The following LYRM4 variants were observed in gnomAD, a reference collection of about 807,000 sequenced individuals.
LYRM4 encodes the protein LYR motif-containing protein 4.
In LYRM4, 9 loss-of-function variants were observed where a neutral mutation model predicts 11.7. The observed-to-expected ratio is 0.77, with a 90% CI of 0.46 to 1.34. LYRM4 has a LOEUF of 1.34. Ranked by LOEUF, LYRM4 falls within the 40% of genes most tolerant of loss-of-function variation. The probability of loss-of-function intolerance (pLI) is 0.00; values close to 1 mark genes in which losing one functional copy is unlikely to be tolerated. For synonymous variants in LYRM4, 42 were observed against 40.4 expected, an observed-to-expected ratio of 1.04 and a Z score of -0.15; for missense variants, 133 against 112.5, an observed-to-expected ratio of 1.18 and a Z score of -0.82.
chr6:5,199,321 A>G (rs1000281496), intron 2 of LYRM4, among the ~76,000 whole-genome samples: 3 of 152,222 alleles, frequency 2.0e-5, no homozygotes, highest in African/African-American at 7.2e-5. Flanking sequence ...TTTCATCCAC[A>G]GAGATAGAAA....
intron 2 of LYRM4, among the ~76,000 whole-genome samples, chr6:5,143,224 C>T (rs1291198940): frequency 4.7e-5 from 1 of 21,236 alleles, no homozygotes; most frequent in African/African-American, 1.9e-4. Context: ...TGTGAGTCAG[C>T]ACACCACTGT....
At chr6:5,233,647 C>T (rs1295663834) in intron 1 of LYRM4, among the ~76,000 whole-genome samples, 1 of 152,152 alleles carries the variant, frequency 6.6e-6, no homozygotes, top group East Asian at 1.9e-4. Flanking sequence ...ATCTCAATCT[C>T]TCTCTCTCTT....
chr6:5,211,638 T>C (rs1184883759), intron 2 of LYRM4, among the ~76,000 whole-genome samples: 1 of 152,118 alleles, frequency 6.6e-6, no homozygotes, highest in East Asian at 1.9e-4. Flanking sequence ...GTTCCTTAAC[T>C]AAAAAAGCAC....
At chr6:5,218,554 A>C (rs187097092) in intron 1 of LYRM4, 15 of 189,888 alleles carry the variant, frequency 7.9e-5, no homozygotes, top group Non-Finnish European at 1.5e-4. Context: ...GGAGAAGGGA[A>C]GAGTTTAGGA....
the LYRM4 span, among the ~76,000 whole-genome samples, chr6:5,035,302 G>A: frequency 7.9e-5 from 12 of 151,844 alleles, no homozygotes; most frequent in Non-Finnish European, 1.3e-4. Context: ...CTTTTCCTGA[G>A]GTGCCCTCTC....
chr6:5,047,409 A>G, the LYRM4 span, among the ~76,000 whole-genome samples: 2 of 152,166 alleles, frequency 1.3e-5, no homozygotes, highest in Non-Finnish European at 2.9e-5. Flanking sequence ...TCAATATTGC[A>G]TAAGGTTGAT....
intron 2 of LYRM4, among the ~76,000 whole-genome samples, chr6:5,144,635 A>G (rs1757606905): frequency 6.7e-6 from 1 of 149,962 alleles, no homozygotes; most frequent in African/African-American, 2.4e-5. Flanking sequence ...AAAAAAAAAA[A>G]AAAAAAAAAA....
chr6:5,179,077 A>C (rs1353485988), intron 2 of LYRM4, among the ~76,000 whole-genome samples: 2 of 147,530 alleles, frequency 1.4e-5, no homozygotes, highest in Non-Finnish European at 3.0e-5. Context: ...AAAAAAAAAA[A>C]AAAAAAAAAA....
At position 5,260,827 on chromosome 6, in the gene LYRM4, G is replaced by A; in HGVS notation, c.-94C>T. On this transcript the variant is annotated 5_prime_UTR_variant, in exon 1 of 3. Coordinates refer to ENST00000330636, the MANE Select transcript of LYRM4 (RefSeq NM_020408.6). ...TCCAGCCTGTGCGGAAACCACGAAC[G>A]AAATAAAATGCTGCGGCTCGGCTTT... 3.9e-6 allele frequency: 6 copies of A among 1,520,184 alleles called. No homozygotes were observed. Among genetic ancestry groups the A allele is most frequent in the Non-Finnish European group, 4.4e-6 (5 of 1,140,308 alleles). 94.2% of individuals were successfully genotyped at this position (1,520,184 alleles called of 1,614,324 possible).
intron 1 of LYRM4, among the ~76,000 whole-genome samples, chr6:5,225,638 T>C (rs1358713048): frequency 1.3e-5 from 2 of 152,350 alleles, no homozygotes; most frequent in East Asian, 1.9e-4. Context: ...TTGTCTCCAA[T>C]TGTGCTACCA....
chr6:5,251,337 GA>G (rs147279321), intron 1 of LYRM4, among the ~76,000 whole-genome samples: 3,009 of 152,266 alleles, frequency 0.02, 89 homozygotes, highest in African/African-American at 0.068. Context: ...GGTGGTATTT[GA>G]ATTAGTCTGT....
intron 2 of LYRM4, among the ~76,000 whole-genome samples, chr6:5,153,655 G>C (rs930288201): frequency 2.6e-5 from 4 of 152,178 alleles, no homozygotes; most frequent in Non-Finnish European, 5.9e-5. Flanking sequence ...GTTTTCAACA[G>C]TGATGCTCAA....
intron 2 of LYRM4, among the ~76,000 whole-genome samples, chr6:5,138,483 T>A (rs146885836): frequency 0.03 from 2,013 of 67,982 alleles, 24 homozygotes; most frequent in Middle Eastern, 0.075. Context: ...TGAGACCCTG[T>A]CTCCAAAAAA....
intron 2 of LYRM4, among the ~76,000 whole-genome samples, chr6:5,127,521 A>T (rs1763750142): frequency 6.6e-6 from 1 of 152,204 alleles, no homozygotes; most frequent in African/African-American, 2.4e-5. Context: ...ACTCCATTGG[A>T]CATGTGGCTG....
chr6:5,085,887 C>T, the LYRM4 span: 2 of 1,531,300 alleles, frequency 1.3e-6, no homozygotes, highest in Non-Finnish European at 1.7e-6. Context: ...GGGTGCAGTT[C>T]GCGGACACGC....
At chr6:5,260,611 G>A in intron 1 of LYRM4, 37 bp downstream of exon 1, 1 of 1,377,680 alleles carries the variant, frequency 7.3e-7, no homozygotes, top group Non-Finnish European at 9.8e-7. Flanking sequence ...CCGGCCCCTG[G>A]CCCCCCGCCC....
intron 2 of LYRM4, among the ~76,000 whole-genome samples, chr6:5,175,052 A>G (rs1015920436): frequency 6.6e-6 from 1 of 152,196 alleles, no homozygotes; most frequent in African/African-American, 2.4e-5. Flanking sequence ...TTCTTTGCAA[A>G]TATGATTTAA....
intron 2 of LYRM4, among the ~76,000 whole-genome samples, chr6:5,148,931 G>A (rs913796793): frequency 2.6e-5 from 4 of 151,974 alleles, no homozygotes; most frequent in African/African-American, 7.3e-5. Context: ...TTTCTTAATC[G>A]TCTAGAATAG....
chr6:5,077,235 A>C, the LYRM4 span, among the ~76,000 whole-genome samples: 12 of 152,378 alleles, frequency 7.9e-5, no homozygotes, highest in Admixed American at 2.6e-4. Context: ...TACGGAAGAC[A>C]TGGTCTCTGT....
Sources: allele counts gnomAD v4.1 joint callset (sites outside exome capture counted in the v4.1 genomes callset), GRCh38; gene constraint gnomAD v4.1.1; transcripts MANE v1.5; gene names NCBI Gene and HGNC (gene_info 2026-07-23, HGNC 2026-07-21).